MAN1C1: variants seen among roughly 807,000 people sequenced by gnomAD.
MAN1C1 encodes mannosidase alpha class 1C member 1, also known as mannosyl-oligosaccharide 1,2-alpha-mannosidase IC.
Under a neutral mutation model 71.5 loss-of-function variants are expected in MAN1C1, and 49 were observed. The observed-to-expected ratio is 0.69, with a 90% CI of 0.54 to 0.87. The LOEUF (loss-of-function observed/expected upper bound fraction) is 0.87, where lower values mean the gene tolerates loss of function less well. Among genes scored for constraint, MAN1C1 ranks in the 40% least tolerant of loss-of-function variants. MAN1C1 has a pLI of 0.00. For synonymous variants in MAN1C1, 352 were observed against 343.7 expected (o/e 1.02, Z -0.27); for missense variants, 743 against 835.0 (o/e 0.89, Z 1.36).
intron 2 of MAN1C1, among the ~76,000 whole-genome samples, chr1:25,689,709 C>T (rs2046280755): frequency 6.6e-6 from 1 of 152,212 alleles, no homozygotes; most frequent in African/African-American, 2.4e-5. Flanking sequence ...TGGGTTGCAT[C>T]ATTCCTGGAC....
chr1:25,651,605 G>T (rs2045693761), intron 1 of MAN1C1, among the ~76,000 whole-genome samples: 1 of 152,236 alleles, frequency 6.6e-6, no homozygotes, highest in Non-Finnish European at 1.5e-5. Context: ...AATGCTGTCT[G>T]CAGGGAGAGA....
At chr1:25,662,226 A>C (rs749235839) in intron 1 of MAN1C1, among the ~76,000 whole-genome samples, 4 of 152,228 alleles carry the variant, frequency 2.6e-5, no homozygotes, top group Non-Finnish European at 1.5e-5. Flanking sequence ...GCATGAGGAA[A>C]TGCTCAGGAA....
chr1:25,644,514 A>ATTTT lies in MAN1C1; in HGVS notation c.540+26178_540+26179insTTTT, dbSNP rs1429643822. On this transcript the variant is annotated intron_variant, in intron 1 of 11. Coordinates refer to ENST00000374332, the MANE Select transcript of MAN1C1 (RefSeq NM_020379.4). ...ACCAGAGACATATATATATATATAT[A>ATTTT]TATATTTTTTTTTTTTTTTTTTTTT... The ATTTT allele has an allele frequency of 1.4e-3, 128 of 88,306 alleles. 4 individuals carry two copies. Among genetic ancestry groups the ATTTT allele is most frequent in the African/African-American group, 0.01 (119 of 11,690 alleles). The allele number at this position is 88,306 out of a possible 1,614,324, so 5.5% of individuals were successfully genotyped here.
intron 2 of MAN1C1, among the ~76,000 whole-genome samples, chr1:25,714,491 G>A (rs1273814447): frequency 6.6e-6 from 1 of 152,132 alleles, no homozygotes; most frequent in African/African-American, 2.4e-5. Flanking sequence ...TGGTAAAAAT[G>A]CATCCTCAAG....
rs1327502927 is a variant in MAN1C1 at position 25,775,845 on chromosome 1, C to G, written c.1258-2260C>G. 1.3e-5 allele frequency: 2 copies of G among 152,394 alleles called. No homozygotes were observed. Among genetic ancestry groups the G allele is most frequent in the Admixed American group, 1.3e-4 (2 of 15,286 alleles). The allele number at this position is 152,394 out of a possible 1,614,324, so 9.4% of individuals were successfully genotyped here. ...CCCTCTGCAAAGTACAGCACTGCCC[C>G]CACCCCAGTTTTTTTTGTTTTGTTT... On this transcript the variant is annotated intron_variant, in intron 8 of 11. Transcript: ENST00000374332. This position sits in a 1 kb window ranked among gnomAD's most constrained non-coding sequence, Gnocchi z 5.1.
At chr1:25,781,669 G>T (rs2124419155) in intron 10 of MAN1C1, among the ~76,000 whole-genome samples, 1 of 152,276 alleles carries the variant, frequency 6.6e-6, no homozygotes, top group South Asian at 2.1e-4. Context: ...TTCCCTGGTG[G>T]ATGCTGAGCC....
chr1:25,778,284 C>T lies in MAN1C1; in HGVS notation c.1437C>T (p.Ala479=). 1 of 1,613,800 alleles carries T rather than the reference C, an allele frequency of 6.2e-7. No homozygotes were observed. The highest frequency in any genetic ancestry group is 8.5e-7 in the Non-Finnish European group (1 of 1,179,834). ...GGGCCCACTACCGAGAGCTCGCAGCCCAGATCACCAAGACGTGTCACGAGT... is the reference window on the plus strand; with the variant it reads ...GGGCCCACTACCGAGAGCTCGCAGCTCAGATCACCAAGACGTGTCACGAGT... The part of the protein sequence containing the change: ...EKRAHYRELA[A]QITKTCHESY... Residue 479 remains alanine (A), a synonymous_variant, in exon 9 of 12, where the codon GCC becomes GCT. Coordinates refer to ENST00000374332, the MANE Select transcript of MAN1C1 (RefSeq NM_020379.4). The surrounding 1 kb of genome is among the most constrained non-coding windows in gnomAD (Gnocchi z 5.5).
At chr1:25,720,456 C>A (rs1360027077) in intron 2 of MAN1C1, among the ~76,000 whole-genome samples, 1 of 152,156 alleles carries the variant, frequency 6.6e-6, no homozygotes, top group Non-Finnish European at 1.5e-5. Flanking sequence ...GGTGATCCAC[C>A]CACCTCGGCC....
chr1:25,672,690 C>T (rs898204363), intron 1 of MAN1C1, among the ~76,000 whole-genome samples: 1 of 152,216 alleles, frequency 6.6e-6, no homozygotes, highest in Non-Finnish European at 1.5e-5. Flanking sequence ...GTAATTCCAT[C>T]TGAAACCTTA....
At position 25,691,114 on chromosome 1, in the gene MAN1C1, C is replaced by T. The variant is rs527971645; in HGVS notation, c.637+4578C>T. Reference sequence around the variant, plus strand: ...GGTGGATCACTTGAGGTCAGGAGTTCGAGACAAGCCTGGCCAACATGGTGA... The same window carrying T: ...GGTGGATCACTTGAGGTCAGGAGTTTGAGACAAGCCTGGCCAACATGGTGA... On this transcript the variant is annotated intron_variant, in intron 2 of 11. Transcript: ENST00000374332. 3.7e-4 allele frequency among the ~76,000 whole-genome samples: 57 copies of T among 152,182 alleles called. 2 individuals carry two copies. The East Asian group carries it at 8.7e-3, about 23-fold the overall frequency.
chr1:25,746,581 G>A lies in MAN1C1; in HGVS notation c.638-87G>A, dbSNP rs935555011. 1.4e-5 allele frequency: 15 copies of A among 1,050,722 alleles called. No individual in the cohort carries two copies. The highest frequency in any genetic ancestry group is 3.9e-4 in the Middle Eastern group (2 of 5,064). 65.1% of individuals were successfully genotyped at this position (1,050,722 alleles called of 1,614,324 possible). ...TTGCCACCAAGCCTGCGCTGGCATT[G>A]GAGGGGCCCTGAGAACGGTGGCTTG... is the stretch of plus-strand genomic sequence containing the variant. On this transcript the variant is annotated intron_variant, in intron 2 of 11. Transcript: ENST00000374332. This position sits in a 1 kb window ranked among gnomAD's most constrained non-coding sequence, Gnocchi z 4.0.
At chr1:25,723,847 G>A (rs973127993) in intron 2 of MAN1C1, among the ~76,000 whole-genome samples, 34 of 152,156 alleles carry the variant, frequency 2.2e-4, no homozygotes, top group African/African-American at 7.7e-4. Flanking sequence ...TTGGACTAAA[G>A]GATTGAGGGG....
In MAN1C1 at chr1:25,769,305, A is replaced by G. The variant is rs1327411770; in HGVS notation, c.1142-2352A>G. Among the ~76,000 whole-genome samples the G allele has an allele frequency of 6.6e-6, 1 of 151,150 alleles. No individual in the cohort carries two copies. The highest frequency in any genetic ancestry group is 1.5e-5 in the Non-Finnish European group (1 of 67,768). ...CATCCACACACCCATACCCCTCAGCACACACACACGCCCCCATACACCTAC... is the reference window on the plus strand; with the variant it reads ...CATCCACACACCCATACCCCTCAGCGCACACACACGCCCCCATACACCTAC... On this transcript the variant is annotated intron_variant, in intron 7 of 11. Transcript: ENST00000374332. The surrounding 1 kb of genome is among the most constrained non-coding windows in gnomAD (Gnocchi z 4.8).
At chr1:25,675,590 G>GA (rs1553185441) in intron 1 of MAN1C1, among the ~76,000 whole-genome samples, 1 of 132,798 alleles carries the variant, frequency 7.5e-6, no homozygotes, top group South Asian at 2.4e-4. Context: ...TTTGCGGGGG[G>GA]GGGGGGAGGT....
chr1:25,652,626 C>G (rs1465784693), intron 1 of MAN1C1, among the ~76,000 whole-genome samples: 1 of 152,224 alleles, frequency 6.6e-6, no homozygotes, highest in East Asian at 1.9e-4. Flanking sequence ...GAAGTTGCTT[C>G]CTCCTGAAGC....
At chr1:25,646,634 A>G (rs968265476) in intron 1 of MAN1C1, among the ~76,000 whole-genome samples, 4 of 152,180 alleles carry the variant, frequency 2.6e-5, no homozygotes, top group African/African-American at 7.2e-5. Context: ...CCTGGCAGCC[A>G]CGAATCTGCT....
At chr1:25,683,831 A>C (rs527462119) in intron 1 of MAN1C1, among the ~76,000 whole-genome samples, 2 of 152,280 alleles carry the variant, frequency 1.3e-5, no homozygotes, top group Admixed American at 1.3e-4. Context: ...AGGCTGAGCC[A>C]CCCATGGCCG....
rs537044142 is a variant in MAN1C1 at position 25,697,859 on chromosome 1, C to G, written c.637+11323C>G. 2.0e-5 allele frequency among the ~76,000 whole-genome samples: 3 copies of G among 152,278 alleles called. No individual in the cohort carries two copies. In the South Asian group the frequency reaches 6.2e-4, roughly 32 times the overall value. ...GTTCTGCCAGCTGTGTGTGAGAATT[C>G]TAGTTGCCCCATTATCCTTGCCAGT... On this transcript the variant is annotated intron_variant, in intron 2 of 11. Coordinates refer to ENST00000374332, the MANE Select transcript of MAN1C1 (RefSeq NM_020379.4).
intron 1 of MAN1C1, among the ~76,000 whole-genome samples, chr1:25,683,214 T>C (rs984526983): frequency 1.3e-5 from 2 of 152,138 alleles, no homozygotes; most frequent in Non-Finnish European, 2.9e-5. Context: ...CACCCTTTCT[T>C]GTGCCCCTCA....
Sources: gnomAD v4.1 joint callset for allele counts (sites outside exome capture counted in the v4.1 genomes callset) on GRCh38, gnomAD v4.1.1 for gene constraint, Gnocchi (gnomAD v3.1) non-coding constraint, MANE v1.5 for transcripts, NCBI Gene and HGNC (gene_info 2026-07-23, HGNC 2026-07-21) for gene names.